The following KCNMA1 variants were observed in gnomAD, a reference collection of about 807,000 sequenced individuals.
KCNMA1 encodes Calcium-activated potassium channel subunit alpha-1.
KCNMA1 carries 29 observed loss-of-function variants against 140.0 expected under a neutral mutation model. The ratio of observed to expected loss-of-function variants is 0.21; its 90% CI spans 0.15 to 0.28. KCNMA1 has a LOEUF of 0.28. Ranked by LOEUF, KCNMA1 falls within the 10% of genes least tolerant of loss-of-function variation. KCNMA1 has a pLI of 1.00. For synonymous variants in KCNMA1, 612 were observed against 611.9 expected (o/e 1.00, Z 0.00); for missense variants, 880 against 1,602.2 (o/e 0.55, Z 7.70).
At chr10:76,901,688 G>T (rs2045489925) in intron 25 of KCNMA1, 1 of 152,166 alleles carries the variant, frequency 6.6e-6, no homozygotes, top group African/African-American at 2.4e-5. Flanking sequence ...GTCAGTCCCA[G>T]GGTTTCACAG....
At chr10:77,218,318 T>G (rs2048455883) in intron 3 of KCNMA1, among the ~76,000 whole-genome samples, 1 of 152,206 alleles carries the variant, frequency 6.6e-6, no homozygotes, top group African/African-American at 2.4e-5. Context: ...TTAAACCATT[T>G]AAAACCATAC....
chr10:77,558,945 T>C (rs1603636329), intron 1 of KCNMA1, among the ~76,000 whole-genome samples: 1 of 152,190 alleles, frequency 6.6e-6, no homozygotes, highest in East Asian at 1.9e-4. Flanking sequence ...CACCTTAGTG[T>C]AGAGCTGCTG....
At chr10:77,362,359 C>T (rs1217942895) in intron 2 of KCNMA1, among the ~76,000 whole-genome samples, 1 of 86,002 alleles carries the variant, frequency 1.2e-5, no homozygotes, top group South Asian at 4.8e-4. Context: ...CCCCACCCCC[C>T]CCACCCCACA....
chr10:77,163,364 G>A (rs754913262), intron 5 of KCNMA1, among the ~76,000 whole-genome samples: 9 of 152,142 alleles, frequency 5.9e-5, no homozygotes, highest in Non-Finnish European at 1.2e-4. Flanking sequence ...TGGTGGTGGT[G>A]GAGATCATAC....
intron 1 of KCNMA1, among the ~76,000 whole-genome samples, chr10:77,499,881 T>C (rs1264159679): frequency 2.0e-5 from 3 of 151,948 alleles, no homozygotes; most frequent in African/African-American, 7.2e-5. Flanking sequence ...ATGTGAAAAA[T>C]ATAATAATAA....
intron 5 of KCNMA1, among the ~76,000 whole-genome samples, chr10:77,169,210 C>A (rs762419340): frequency 1.3e-5 from 2 of 151,946 alleles, no homozygotes; most frequent in Non-Finnish European, 2.9e-5. Flanking sequence ...ACTACCAAAA[C>A]CATGGCGATG....
At chr10:77,634,355 A>G in intron 1 of KCNMA1, 1 of 985,474 alleles carries the variant, frequency 1.0e-6, no homozygotes, top group Non-Finnish European at 1.2e-6. Flanking sequence ...GAAAAAGTCC[A>G]CATGCCACTC....
intron 3 of KCNMA1, among the ~76,000 whole-genome samples, chr10:77,190,105 T>C (rs1370336718): frequency 6.6e-6 from 1 of 152,176 alleles, no homozygotes; most frequent in Non-Finnish European, 1.5e-5. Context: ...TGATTACTCT[T>C]TGTGTTCAAA....
intron 18 of KCNMA1, chr10:77,008,270 G>C: frequency 7.0e-7 from 1 of 1,421,572 alleles, no homozygotes; most frequent in East Asian, 2.5e-5. Flanking sequence ...TCAAAGATAT[G>C]TCAATGATTT....
chr10:77,264,538 C>G (rs556715296), intron 2 of KCNMA1, among the ~76,000 whole-genome samples: 1 of 152,242 alleles, frequency 6.6e-6, no homozygotes, highest in African/African-American at 2.4e-5. Flanking sequence ...ACCAGGCACA[C>G]CAGGTACACA....
chr10:77,125,479 T>G (rs1596484351), intron 5 of KCNMA1, among the ~76,000 whole-genome samples: 1 of 152,192 alleles, frequency 6.6e-6, no homozygotes, highest in Non-Finnish European at 1.5e-5. Flanking sequence ...GATGCCCACA[T>G]GGCATACTCC....
At chr10:77,517,361 C>T (rs1014710466) in intron 1 of KCNMA1, among the ~76,000 whole-genome samples, 5 of 152,204 alleles carry the variant, frequency 3.3e-5, no homozygotes, top group Admixed American at 3.3e-4. Flanking sequence ...CCTCTCAGGC[C>T]CCCTGGGCGT....
intron 13 of KCNMA1, among the ~76,000 whole-genome samples, chr10:77,075,502 A>G (rs2096365879): frequency 6.6e-6 from 1 of 152,212 alleles, no homozygotes; most frequent in Non-Finnish European, 1.5e-5. Flanking sequence ...AAAACCTTTC[A>G]GAGAAAGTCT....
chr10:76,963,147 C>A (rs1684527077), intron 20 of KCNMA1, among the ~76,000 whole-genome samples: 1 of 152,190 alleles, frequency 6.6e-6, no homozygotes, highest in Admixed American at 6.5e-5. Flanking sequence ...AATTAAGCAA[C>A]TATTTGGTTC....
chr10:77,132,896 T>C (rs1161067256), intron 5 of KCNMA1, among the ~76,000 whole-genome samples: 1 of 152,114 alleles, frequency 6.6e-6, no homozygotes, highest in Non-Finnish European at 1.5e-5. Flanking sequence ...ATAAAAGTAA[T>C]GGATTCATTT....
chr10:76,984,611 T>C (rs1415390068), intron 19 of KCNMA1, among the ~76,000 whole-genome samples: 1 of 152,184 alleles, frequency 6.6e-6, no homozygotes, highest in Non-Finnish European at 1.5e-5. Context: ...CTGAGGTGAA[T>C]AGAAGCCTAT....
chr10:77,617,538 GCAGAGCTGAAGGCACTC>G (rs1292315121), intron 1 of KCNMA1, among the ~76,000 whole-genome samples: 1 of 152,198 alleles, frequency 6.6e-6, no homozygotes, highest in Non-Finnish European at 1.5e-5. Flanking sequence ...ATAAGAAGAG[GCAGAGCTGAAGGCACTC>G]CAGAGCAGCA....
chr10:77,285,807 T>C (rs999421898), intron 2 of KCNMA1, among the ~76,000 whole-genome samples: 11 of 152,208 alleles, frequency 7.2e-5, no homozygotes, highest in African/African-American at 2.4e-5. Context: ...ATCTCTAAGT[T>C]CCAGCTTCCT....
chr10:77,632,372 C>T (rs900805918), intron 1 of KCNMA1, among the ~76,000 whole-genome samples: 2 of 152,168 alleles, frequency 1.3e-5, no homozygotes, highest in African/African-American at 2.4e-5. Context: ...CTTGGGATAA[C>T]AGGGATGGAA....
Sources: allele counts gnomAD v4.1 joint callset (sites outside exome capture counted in the v4.1 genomes callset), GRCh38; gene constraint gnomAD v4.1.1; transcripts MANE v1.5; gene names NCBI Gene and HGNC (gene_info 2026-07-23, HGNC 2026-07-21).